The following BMERB1 variants were observed in gnomAD, a reference collection of about 807,000 sequenced individuals.
BMERB1 encodes the protein bMERB domain containing 1, also known as bMERB domain-containing protein 1.
BMERB1 carries 12 observed loss-of-function variants against 23.6 expected under a neutral mutation model. That is an observed-to-expected ratio of 0.51 (90% CI 0.33 to 0.82). The LOEUF (loss-of-function observed/expected upper bound fraction) is 0.82, where lower values mean the gene tolerates loss of function less well. Among genes scored for constraint, BMERB1 ranks in the 40% least tolerant of loss-of-function variants. The pLI is 0.03. For synonymous variants in BMERB1, 122 were observed against 96.6 expected (o/e 1.26, Z -1.54); for missense variants, 247 against 255.4 (o/e 0.97, Z 0.22).
chr16:15,508,288 G>A (rs1598480395), intron 1 of BMERB1, among the ~76,000 whole-genome samples: 1 of 152,220 alleles, frequency 6.6e-6, no homozygotes, highest in African/African-American at 2.4e-5. Flanking sequence ...AGAGATTACA[G>A]TATACCACCC....
chr16:15,476,269 T>A (rs2051274307), intron 1 of BMERB1, among the ~76,000 whole-genome samples: 2 of 151,554 alleles, frequency 1.3e-5, no homozygotes. Flanking sequence ...TTCAAGTGAT[T>A]CTCCTGCCTC....
At chr16:15,517,518 A>G (rs919011784) in intron 2 of BMERB1, among the ~76,000 whole-genome samples, 3 of 152,122 alleles carry the variant, frequency 2.0e-5, no homozygotes, top group Admixed American at 6.5e-5. Context: ...CAAAATAATA[A>G]TAAAATAAAA....
At chr16:15,557,965 A>G (rs573472354) in intron 2 of BMERB1, among the ~76,000 whole-genome samples, 23 of 152,020 alleles carry the variant, frequency 1.5e-4, no homozygotes, top group Admixed American at 1.2e-3. Flanking sequence ...AATGGCTTCA[A>G]CCTGTGAGGC....
chr16:15,580,881 C>G (rs1288553377), intron 3 of BMERB1, among the ~76,000 whole-genome samples: 4 of 151,674 alleles, frequency 2.6e-5, no homozygotes, highest in African/African-American at 7.3e-5. Context: ...TCTCATCTGT[C>G]TCTCTGTAAT....
At chr16:15,553,972 AC>A (rs959749282) in intron 2 of BMERB1, among the ~76,000 whole-genome samples, 60 of 152,206 alleles carry the variant, frequency 3.9e-4, no homozygotes, top group African/African-American at 1.3e-3. Context: ...GTTCTTTACA[AC>A]GCAGACACAT....
At chr16:15,531,241 G>A (rs908157834) in intron 2 of BMERB1, among the ~76,000 whole-genome samples, 2 of 151,862 alleles carry the variant, frequency 1.3e-5, no homozygotes, top group African/African-American at 4.8e-5. Flanking sequence ...ACTCCTTCTC[G>A]GGTATTTCTT....
chr16:15,551,179 T>C (rs1213956805), intron 2 of BMERB1, among the ~76,000 whole-genome samples: 2 of 152,222 alleles, frequency 1.3e-5, no homozygotes, highest in East Asian at 3.8e-4. Flanking sequence ...ATTGCCCTCG[T>C]GGTGTCTATC....
chr16:15,577,995 A>G (rs1158915314), intron 3 of BMERB1, among the ~76,000 whole-genome samples: 1 of 152,120 alleles, frequency 6.6e-6, no homozygotes, highest in Non-Finnish European at 1.5e-5. Flanking sequence ...GCTGTGACCA[A>G]TTATTATTTT....
intron 3 of BMERB1, among the ~76,000 whole-genome samples, chr16:15,569,001 A>C (rs982583199): frequency 3.9e-5 from 6 of 152,094 alleles, no homozygotes; most frequent in Admixed American, 3.3e-4. Context: ...AGATCACTTG[A>C]GTTCAGGAGT....
chr16:15,578,159 C>T (rs2030917620), intron 3 of BMERB1, among the ~76,000 whole-genome samples: 1 of 152,082 alleles, frequency 6.6e-6, no homozygotes, highest in South Asian at 2.1e-4. Context: ...CTTCTGGTTG[C>T]ACCACTTCAA....
At chr16:15,505,659 G>A (rs2051580656) in intron 1 of BMERB1, among the ~76,000 whole-genome samples, 1 of 152,164 alleles carries the variant, frequency 6.6e-6, no homozygotes, top group African/African-American at 2.4e-5. Flanking sequence ...GGAGGCCGAG[G>A]TGGGTGGGTC....
chr16:15,547,357 T>C (rs1179942724), intron 2 of BMERB1, among the ~76,000 whole-genome samples: 1 of 149,364 alleles, frequency 6.7e-6, no homozygotes, highest in Non-Finnish European at 1.5e-5. Context: ...TTTTTTTTTT[T>C]AGTGACAGAG....
At chr16:15,519,529 T>C (rs2083520729) in intron 2 of BMERB1, among the ~76,000 whole-genome samples, 2 of 152,182 alleles carry the variant, frequency 1.3e-5, no homozygotes, top group Non-Finnish European at 2.9e-5. Flanking sequence ...TAGCTGAGAC[T>C]ACAGGTGCCC....
In BMERB1 at chr16:15,521,182, G is replaced by C. The variant is rs144191529; in HGVS notation, c.230+5754G>C. 3.2e-3 allele frequency among the ~76,000 whole-genome samples: 491 copies of C among 152,310 alleles called. 2 individuals are homozygous for C. Among genetic ancestry groups the C allele is most frequent in the African/African-American group, 9.5e-3 (396 of 41,564 alleles). On this transcript the variant is annotated intron_variant, in intron 2 of 5. Coordinates refer to ENST00000300006, the MANE Select transcript of BMERB1 (RefSeq NM_033201.3). ...AATCTTCCTTGGCAATACTCATCTT[G>C]TCAGTGATGGGCTTTCTATGCGGCG...
intron 2 of BMERB1, among the ~76,000 whole-genome samples, chr16:15,551,717 A>G (rs951138636): frequency 5.9e-5 from 9 of 152,266 alleles, no homozygotes; most frequent in African/African-American, 1.9e-4. Context: ...TTTATAAAGG[A>G]AAGAAGTTTA....
At chr16:15,527,032 CTT>C (rs2051915711) in intron 2 of BMERB1, among the ~76,000 whole-genome samples, 3 of 150,466 alleles carry the variant, frequency 2.0e-5, no homozygotes, top group African/African-American at 4.9e-5. Context: ...TTTATGCACA[CTT>C]ATATGTAGTT....
At chr16:15,583,886 T>C in intron 5 of BMERB1, 2 of 633,012 alleles carry the variant, frequency 3.2e-6, no homozygotes, top group Non-Finnish European at 5.7e-6. Context: ...CATATTGGAT[T>C]GAACTCTGCA....
intron 1 of BMERB1, among the ~76,000 whole-genome samples, chr16:15,500,864 C>A (rs2051520582): frequency 6.6e-6 from 1 of 152,136 alleles, no homozygotes; most frequent in Non-Finnish European, 1.5e-5. Flanking sequence ...GTTGTCCAGG[C>A]TGGTGTCGAT....
At chr16:15,536,036 T>A (rs553533025) in intron 2 of BMERB1, among the ~76,000 whole-genome samples, 165 of 152,190 alleles carry the variant, frequency 1.1e-3, no homozygotes, top group Non-Finnish European at 1.8e-3. Flanking sequence ...GGGATTACAA[T>A]TTGCAGTGAG....
Sources: gnomAD v4.1 joint callset for allele counts (sites outside exome capture counted in the v4.1 genomes callset) on GRCh38, gnomAD v4.1.1 for gene constraint, MANE v1.5 for transcripts, NCBI Gene and HGNC (gene_info 2026-07-23, HGNC 2026-07-21) for gene names.